The following TMTC2 variants were observed in gnomAD, a reference collection of about 807,000 sequenced individuals.
TMTC2 encodes the protein protein O-mannosyl-transferase TMTC2.
A neutral mutation model predicts 82.4 loss-of-function variants in TMTC2; 43 were observed. The ratio of observed to expected loss-of-function variants is 0.52; its 90% CI spans 0.41 to 0.67. The LOEUF is 0.67. Ranked by LOEUF, TMTC2 falls within the 30% of genes least tolerant of loss-of-function variation. The pLI is 0.00. For missense variants in TMTC2, 919 were observed against 1,012.4 expected, an observed-to-expected ratio of 0.91 and a Z score of 1.25; for synonymous variants, 408 against 381.9, an observed-to-expected ratio of 1.07 and a Z score of -0.80.
chr12:82,817,503 G>T (rs1398474374), intron 1 of TMTC2, among the ~76,000 whole-genome samples: 1 of 152,104 alleles, frequency 6.6e-6, no homozygotes, highest in Non-Finnish European at 1.5e-5. Context: ...GTGACAGAAG[G>T]CCATTTCTGC....
At chr12:83,122,321 C>G (rs967992939) in intron 11 of TMTC2, among the ~76,000 whole-genome samples, 4 of 151,260 alleles carry the variant, frequency 2.6e-5, no homozygotes, top group African/African-American at 9.7e-5. Context: ...CATGTCCTCC[C>G]CCAAGTTCTG....
intron 1 of TMTC2, among the ~76,000 whole-genome samples, chr12:82,726,992 A>C (rs1874488772): frequency 6.6e-6 from 1 of 151,978 alleles, no homozygotes; most frequent in Non-Finnish European, 1.5e-5. Flanking sequence ...TCCTTAGAAA[A>C]GCCCCTTTTC....
intron 4 of TMTC2, among the ~76,000 whole-genome samples, chr12:82,950,968 G>A (rs151321127): frequency 6.6e-6 from 1 of 152,114 alleles, no homozygotes; most frequent in Admixed American, 6.6e-5. Flanking sequence ...AAAGACAGTG[G>A]CATTATTATA....
intron 11 of TMTC2, among the ~76,000 whole-genome samples, chr12:83,086,264 A>T (rs1883655817): frequency 6.6e-6 from 1 of 151,666 alleles, no homozygotes; most frequent in South Asian, 2.1e-4. Flanking sequence ...GGCCGGGCAG[A>T]GGTGTTCCTC....
chr12:82,995,671 T>C (rs1011750906), intron 8 of TMTC2, among the ~76,000 whole-genome samples: 2 of 152,240 alleles, frequency 1.3e-5, no homozygotes, highest in Admixed American at 6.5e-5. Context: ...TCCCTTGATA[T>C]ATTAAATAAA....
intron 1 of TMTC2, among the ~76,000 whole-genome samples, chr12:82,827,250 A>G (rs77008954): frequency 0.011 from 1,639 of 152,258 alleles, 31 homozygotes; most frequent in African/African-American, 0.038. Context: ...CAAAACCTCA[A>G]AGGTGCAATA....
chr12:82,848,818 A>T (rs956151867), intron 1 of TMTC2, among the ~76,000 whole-genome samples: 3 of 152,152 alleles, frequency 2.0e-5, no homozygotes, highest in Non-Finnish European at 4.4e-5. Context: ...TCAAAGTCAA[A>T]AGCCAGCATA....
At chr12:82,783,757 G>A (rs1030326537) in intron 1 of TMTC2, among the ~76,000 whole-genome samples, 4 of 151,948 alleles carry the variant, frequency 2.6e-5, no homozygotes, top group African/African-American at 7.2e-5. Context: ...TTTTTCTCAA[G>A]GGTACAAGCT....
At chr12:83,048,740 C>T (rs999236450) in intron 9 of TMTC2, among the ~76,000 whole-genome samples, 1 of 152,240 alleles carries the variant, frequency 6.6e-6, no homozygotes, top group Non-Finnish European at 1.5e-5. Flanking sequence ...GCAATCTCAG[C>T]TCACTGCAAC....
intron 4 of TMTC2, among the ~76,000 whole-genome samples, chr12:82,964,637 C>T (rs899204531): frequency 1.3e-5 from 2 of 152,100 alleles, no homozygotes; most frequent in African/African-American, 4.8e-5. Flanking sequence ...TCTCATGTTT[C>T]CACATATACA....
At chr12:83,066,788 C>G (rs1882932337) in intron 11 of TMTC2, among the ~76,000 whole-genome samples, 1 of 151,682 alleles carries the variant, frequency 6.6e-6, no homozygotes, top group African/African-American at 2.4e-5. Context: ...TTTAGGTAAC[C>G]TAGAAGAAAA....
intron 1 of TMTC2, among the ~76,000 whole-genome samples, chr12:82,699,093 G>A (rs533878577): frequency 1.1e-4 from 16 of 152,206 alleles, no homozygotes; most frequent in African/African-American, 3.6e-4. Context: ...CTCATCTCCC[G>A]TGAGAACAGA....
At chr12:83,117,152 C>G (rs1454013905) in intron 11 of TMTC2, among the ~76,000 whole-genome samples, 1 of 152,086 alleles carries the variant, frequency 6.6e-6, no homozygotes, top group Non-Finnish European at 1.5e-5. Context: ...TGTGGCTAGC[C>G]AATTATCCCA....
In TMTC2 at chr12:82,802,025, G is replaced by A. The variant is rs1000785921; in HGVS notation, c.84-54985G>A. Reference sequence around the variant, plus strand: ...AGGTGGAGCTGCCTGCCAGTCCCACGCCGTGCGCCCACACACTCCTCAGCC... The same window carrying A: ...AGGTGGAGCTGCCTGCCAGTCCCACACCGTGCGCCCACACACTCCTCAGCC... On this transcript the variant is annotated intron_variant, in intron 1 of 11. Transcript: ENST00000321196. Among the ~76,000 whole-genome samples, 5 of 141,538 alleles carry A rather than the reference G, an allele frequency of 3.5e-5. 1 individual carries two copies. Among genetic ancestry groups the A allele is most frequent in the Admixed American group, 1.4e-4 (2 of 14,766 alleles). 92.9% of individuals were successfully genotyped at this position (141,538 alleles called of 152,430 possible). A position where few individuals can be genotyped will look rare whatever the true frequency, so the allele number is the denominator to read the frequency against.
intron 1 of TMTC2, among the ~76,000 whole-genome samples, chr12:82,834,800 A>C (rs1485531876): frequency 2.0e-5 from 3 of 152,150 alleles, no homozygotes; most frequent in African/African-American, 4.8e-5. Flanking sequence ...TTCCACAAAC[A>C]CTATGAGATG....
intron 2 of TMTC2, among the ~76,000 whole-genome samples, chr12:82,882,950 G>T (rs983840669): frequency 6.6e-6 from 1 of 151,016 alleles, no homozygotes; most frequent in African/African-American, 2.4e-5. Flanking sequence ...CAGCTACTTA[G>T]GAGGCTGAAG....
At position 82,687,674 on chromosome 12, in the gene TMTC2, G is replaced by A; in HGVS notation, c.83+5G>A. On this transcript the variant is annotated splice_donor_5th_base_variant and intron_variant, in intron 1 of 11. Coordinates refer to ENST00000321196, the MANE Select transcript of TMTC2 (RefSeq NM_152588.3). ...GGATTTCTGCTATGATGACAGGTAA[G>A]GGGCCGAGAGGAGGGGGCGACGGGC... is the stretch of plus-strand genomic sequence containing the variant. 1 of 1,601,862 alleles carries A rather than the reference G, an allele frequency of 6.2e-7. No homozygotes were observed. The highest frequency in any genetic ancestry group is 1.1e-5 in the South Asian group (1 of 88,184).
At chr12:82,786,860 T>G (rs1261558388) in intron 1 of TMTC2, among the ~76,000 whole-genome samples, 1 of 152,170 alleles carries the variant, frequency 6.6e-6, no homozygotes, top group Non-Finnish European at 1.5e-5. Flanking sequence ...TAGAACATTT[T>G]TACTCCTCAG....
intron 2 of TMTC2, among the ~76,000 whole-genome samples, chr12:82,876,040 T>TGGG (rs1184566092): frequency 9.3e-6 from 1 of 107,768 alleles, no homozygotes; most frequent in Admixed American, 1.1e-4. Flanking sequence ...GTGGTGGTGG[T>TGGG]GGTGGTGGTG....
Sources: gnomAD v4.1 joint callset for allele counts (sites outside exome capture counted in the v4.1 genomes callset) on GRCh38, gnomAD v4.1.1 for gene constraint, MANE v1.5 for transcripts, NCBI Gene and HGNC (gene_info 2026-07-23, HGNC 2026-07-21) for gene names.